Variants in KMT2C observed in about 807,000 individuals in gnomAD.
KMT2C encodes the protein lysine methyltransferase 2C, also known as histone-lysine N-methyltransferase 2C.
A neutral mutation model predicts 507.9 loss-of-function variants in KMT2C; 88 were observed. That is an observed-to-expected ratio of 0.17 (90% confidence interval 0.15 to 0.21). The LOEUF (loss-of-function observed/expected upper bound fraction) is 0.21, where lower values mean the gene tolerates loss of function less well. Ranked by LOEUF, KMT2C falls within the 10% of genes least tolerant of loss-of-function variation. The pLI is 1.00. For synonymous variants in KMT2C, 2,049 were observed against 2,080.8 expected (o/e 0.98, Z 0.42); for missense variants, 4,954 against 5,957.8 (o/e 0.83, Z 5.55).
intron 18 of KMT2C, among the ~76,000 whole-genome samples, chr7:152,224,904 G>A (rs1003820738): frequency 3.9e-5 from 6 of 152,080 alleles, no homozygotes; most frequent in South Asian, 2.1e-4. Context: ...TATAGATATA[G>A]TGACCAGATT....
intron 3 of KMT2C, among the ~76,000 whole-genome samples, chr7:152,329,044 G>A (rs185937031): frequency 1.2e-4 from 18 of 152,036 alleles, no homozygotes; most frequent in South Asian, 4.2e-4. Context: ...GAAGAGTAAC[G>A]GAAATGAACA....
Position 152,183,080 on chromosome 7 carries a change from T to A in KMT2C, c.5159A>T (p.Gln1720Leu). The change falls in exon 35 of 59, where the codon CAA becomes CTA. Residue 1720 changes from glutamine to leucine, a missense_variant. Gln to Leu is a moderately radical substitution (Grantham distance 113). This residue lies in a region of KMT2C where 58 missense variants were observed against 63.3 expected (regional missense o/e 0.92). Coordinates refer to ENST00000262189, the MANE Select transcript of KMT2C (RefSeq NM_170606.3). ...GCTGGGATCAATGCTATCTTGCTGT[T>A]GCTGCCTTTTCATGGAATCATTTGA... ...QMSNDSMKRQ[Q>L]QQDSIDPSSR... 6.2e-7 allele frequency: 1 copy of A among 1,613,188 alleles called. No homozygotes were observed. The highest frequency in any genetic ancestry group is 1.7e-4 in the Middle Eastern group (1 of 6,058).
Position 152,248,252 on chromosome 7 carries a change from C to T in KMT2C, c.2182G>A (p.Glu728Lys), listed in dbSNP as rs771324714. Residue 728 changes from glutamate (E) to lysine (K), a missense_variant, in exon 14 of 59, where the codon GAA (glutamate) becomes AAA (lysine). Transcript: ENST00000262189. ...AATCCAGTAGAAAGTTCAGAATTTTCTTTCTGTTCCTTTTCTCCTTGTAGC... is the reference window on the plus strand; with the variant it reads ...AATCCAGTAGAAAGTTCAGAATTTTTTTTCTGTTCCTTTTCTCCTTGTAGC... ...ERLQGEKEQK[E>K]NSELSTGLMD... 24 of 1,613,898 alleles carry T rather than the reference C, an allele frequency of 1.5e-5. No homozygotes were observed. The South Asian group carries it at 2.6e-4, about 18-fold the overall frequency.
chr7:152,187,118 T>G, intron 33 of KMT2C, 144 bp downstream of exon 33: 1 of 652,592 alleles, frequency 1.5e-6, no homozygotes, highest in South Asian at 1.9e-5. Context: ...TGCAAGATGT[T>G]TCTAGACATC....
chr7:152,352,524 C>T (rs919236998), intron 2 of KMT2C, among the ~76,000 whole-genome samples: 1 of 152,130 alleles, frequency 6.6e-6, no homozygotes, highest in African/African-American at 2.4e-5. Context: ...CATCACGGAA[C>T]CTACCAACAT....
At position 152,286,833 on chromosome 7, in the gene KMT2C, GA is replaced by G. The variant is rs575098471; in HGVS notation, c.850-12967del. Among the ~76,000 whole-genome samples the G allele has an allele frequency of 1.3e-3, 200 of 152,250 alleles. 3 individuals are homozygous for G. The highest frequency in any genetic ancestry group is 0.011 in the Admixed American group (171 of 15,272). ...AGTTGCTAGAGAAGCAGACAACTCA[GA>G]AACACCAACAGGCACACACATACGT... is the stretch of plus-strand genomic sequence containing the variant. On this transcript the variant is annotated intron_variant, in intron 6 of 58. Coordinates refer to ENST00000262189, the MANE Select transcript of KMT2C (RefSeq NM_170606.3).
chr7:152,290,770 T>C (rs62492953), intron 6 of KMT2C, among the ~76,000 whole-genome samples: 21 of 151,506 alleles, frequency 1.4e-4, no homozygotes, highest in Non-Finnish European at 3.1e-4. Flanking sequence ...TTCATTCTTA[T>C]AGTATCTTTT....
At position 152,181,774 on chromosome 7, in the gene KMT2C, G is replaced by T. The variant is rs754727782; in HGVS notation, c.6086C>A (p.Pro2029His). The T allele has an allele frequency of 3.1e-6, 5 of 1,614,070 alleles. No homozygotes were observed. The highest frequency in any genetic ancestry group is 4.2e-6 in the Non-Finnish European group (5 of 1,180,026). Residue 2029 changes from proline to histidine, a missense_variant, in exon 36 of 59, where the codon CCC (proline) becomes CAC (histidine). Pro to His is a moderately conservative substitution (Grantham distance 77). Coordinates refer to ENST00000262189, the MANE Select transcript of KMT2C (RefSeq NM_170606.3). ...RQRIPDSYAR[P>H]LLTPAPLDSG... ...ATCAAGAGGTGCAGGTGTCAACAAG[G>T]GTCGTGCATATGAGTCAGGTATCCT...
In KMT2C at chr7:152,332,061, T is replaced by C. The variant is rs939737895; in HGVS notation, c.251-1322A>G. On this transcript the variant is annotated intron_variant, in intron 2 of 58. Transcript: ENST00000262189. ...TATAAAATCATCATTAAAAGACTCA[T>C]CATGTATCTTAATTATTACCCATTC... Among the ~76,000 whole-genome samples, 6 of 152,176 alleles carry C rather than the reference T, an allele frequency of 3.9e-5. No individual in the cohort carries two copies. The South Asian group carries it at 8.3e-4, about 21-fold the overall frequency.
chr7:152,231,780 C>CAA (rs759546723), intron 16 of KMT2C, among the ~76,000 whole-genome samples: 1 of 134,016 alleles, frequency 7.5e-6, no homozygotes. Context: ...GACCCTGTCT[C>CAA]AAAAAAAAAA....
intron 2 of KMT2C, among the ~76,000 whole-genome samples, chr7:152,342,970 G>A (rs1195627535): frequency 6.6e-6 from 1 of 152,144 alleles, no homozygotes; most frequent in Non-Finnish European, 1.5e-5. Context: ...TGAAAGGGCA[G>A]GGTGGGGAGG....
intron 44 of KMT2C, chr7:152,157,923 C>T (rs763533906): frequency 7.5e-7 from 1 of 1,325,386 alleles, no homozygotes; most frequent in South Asian, 1.2e-5. Context: ...GCAGAGAGAG[C>T]TGCTATTAAA....
rs2129104706 is a variant in KMT2C at position 152,163,731 on chromosome 7, G to A, written c.9846C>T (p.Pro3282=). 1 of 1,614,182 alleles carries A rather than the reference G, an allele frequency of 6.2e-7. No homozygotes were observed. The highest frequency in any genetic ancestry group is 8.5e-7 in the Non-Finnish European group (1 of 1,180,018). ...TTAGGGGTGGCTGGGGCTGGACACT[G>A]GGCATCATGGTAGGTGGGGCCATTG... is the stretch of plus-strand genomic sequence containing the variant. ...QCAMAPPTMM[P]SVQPQPPLIP... Residue 3282 remains proline (P), a synonymous_variant, in exon 43 of 59, where the codon CCC becomes CCT. Transcript: ENST00000262189.
At chr7:152,367,719 A>G (rs192173591) in intron 1 of KMT2C, 15 of 1,236,924 alleles carry the variant, frequency 1.2e-5, no homozygotes, top group Admixed American at 6.7e-5. Flanking sequence ...AGTGGATAAT[A>G]GTAATTGCTG....
intron 6 of KMT2C, among the ~76,000 whole-genome samples, chr7:152,301,603 C>T (rs910214715): frequency 1.3e-5 from 2 of 152,160 alleles, no homozygotes; most frequent in African/African-American, 4.8e-5. Flanking sequence ...GGGAGGACTG[C>T]TTGAGCCTAA....
chr7:152,173,596 C>T (rs561946625), intron 39 of KMT2C, among the ~76,000 whole-genome samples: 1 of 152,238 alleles, frequency 6.6e-6, no homozygotes, highest in South Asian at 2.1e-4. Context: ...TGAAATAACC[C>T]CTACTGTCTT....
At chr7:152,386,944 T>TA (rs2097434244) in intron 1 of KMT2C, among the ~76,000 whole-genome samples, 1 of 152,152 alleles carries the variant, frequency 6.6e-6, no homozygotes, top group Non-Finnish European at 1.5e-5. Context: ...ATTTCTAACT[T>TA]AGAGTAGATA....
At chr7:152,272,839 T>TA (rs1256900731) in intron 7 of KMT2C, among the ~76,000 whole-genome samples, 4 of 152,168 alleles carry the variant, frequency 2.6e-5, no homozygotes, top group South Asian at 2.1e-4. Flanking sequence ...TAGCTATACT[T>TA]ACGTTTCACA....
At chr7:152,410,090 T>C (rs1336106526) in intron 1 of KMT2C, among the ~76,000 whole-genome samples, 2 of 152,236 alleles carry the variant, frequency 1.3e-5, no homozygotes, top group Non-Finnish European at 2.9e-5. Flanking sequence ...GTTCTTTCCC[T>C]GTTTACAAAC....
Sources: allele counts gnomAD v4.1 joint callset (sites outside exome capture counted in the v4.1 genomes callset), GRCh38; gene constraint gnomAD v4.1.1; regional missense constraint gnomAD v4.1.1; transcripts MANE v1.5; gene names NCBI Gene and HGNC (gene_info 2026-07-23, HGNC 2026-07-21).